The following KCNQ1 variants were observed in gnomAD, a reference collection of about 807,000 sequenced individuals.
The protein encoded by KCNQ1 is potassium voltage-gated channel subfamily Q member 1.
Under a neutral mutation model 72.4 loss-of-function variants are expected in KCNQ1, and 49 were observed. The ratio of observed to expected loss-of-function variants is 0.68; its 90% CI spans 0.54 to 0.86. The LOEUF is 0.86. KCNQ1 is among the 40% of genes least tolerant of loss of function. The pLI is 0.00. For synonymous variants in KCNQ1, 450 were observed against 412.6 expected, an observed-to-expected ratio of 1.09 and a Z score of -1.10; for missense variants, 790 against 945.1, an observed-to-expected ratio of 0.84 and a Z score of 2.15.
In KCNQ1 at chr11:2,452,574, G is replaced by A. The variant is rs1299579524; in HGVS notation, c.386+7090G>A. 6.6e-5 allele frequency among the ~76,000 whole-genome samples: 10 copies of A among 152,294 alleles called. No homozygotes were observed. The South Asian group carries it at 8.3e-4, about 13-fold the overall frequency. ...CCTCTGGCTATATCTAAGCAGCCCC[G>A]GGAACCATGCGCTTCAAGCGTTTGA... On this transcript the variant is annotated intron_variant, in intron 1 of 15. Coordinates refer to ENST00000155840, the MANE Select transcript of KCNQ1 (RefSeq NM_000218.3).
chr11:2,699,496 CCGCGCTGAGGAGCCCCCAGGAGAG>C (rs1850738603), intron 11 of KCNQ1: 1 of 180,142 alleles, frequency 5.6e-6, no homozygotes, highest in African/African-American at 4.4e-5. Flanking sequence ...GGGGAGAGTG[CCGCGCTGAGGAGCCCCCAGGAGAG>C]TGCCGCGCTG....
rs186292293 is a variant in KCNQ1, at chr11:2,522,278, G to A, written c.387-5650G>A. ...CAGGGGACCACATGAGCTGGGGGGGGGTCGGTGTCTTCTCTCCCCCACCCC... is the reference window on the plus strand; with the variant it reads ...CAGGGGACCACATGAGCTGGGGGGGAGTCGGTGTCTTCTCTCCCCCACCCC... On this transcript the variant is annotated intron_variant, in intron 1 of 15. Coordinates refer to ENST00000155840, the MANE Select transcript of KCNQ1 (RefSeq NM_000218.3). 6.1e-3 allele frequency among the ~76,000 whole-genome samples: 926 copies of A among 152,244 alleles called. 11 individuals carry two copies. Among genetic ancestry groups the A allele is most frequent in the East Asian group, 0.058 (298 of 5,148 alleles).
At chr11:2,606,491 C>T (rs1848882258) in intron 10 of KCNQ1, among the ~76,000 whole-genome samples, 1 of 152,176 alleles carries the variant, frequency 6.6e-6, no homozygotes, top group Non-Finnish European at 1.5e-5. Context: ...GAATCTGCTA[C>T]CTCCCTCCAC....
chr11:2,805,535 A>G (rs577090128), intron 15 of KCNQ1, among the ~76,000 whole-genome samples: 3 of 152,360 alleles, frequency 2.0e-5, no homozygotes, highest in African/African-American at 4.8e-5. Flanking sequence ...TTTTGTAAAT[A>G]AAGTTTTAAT....
At chr11:2,751,413 G>GT (rs1295193294) in intron 11 of KCNQ1, among the ~76,000 whole-genome samples, 1 of 152,250 alleles carries the variant, frequency 6.6e-6, no homozygotes, top group Non-Finnish European at 1.5e-5. Context: ...GGGAGGCAAG[G>GT]CTGAGCAGCT....
At chr11:2,685,864 C>T in intron 11 of KCNQ1, 1 of 398,776 alleles carries the variant, frequency 2.5e-6, no homozygotes, top group Non-Finnish European at 4.4e-6. Context: ...TCACCCAGGA[C>T]TCAGACCACA....
intron 10 of KCNQ1, chr11:2,629,352 A>G (rs571487311): frequency 2.5e-6 from 1 of 398,202 alleles, no homozygotes; most frequent in South Asian, 1.3e-4. Context: ...CAATTTCTCT[A>G]TTTTTTATTT....
chr11:2,557,028 G>T (rs755686199), intron 2 of KCNQ1, among the ~76,000 whole-genome samples: 3 of 152,240 alleles, frequency 2.0e-5, no homozygotes, highest in Non-Finnish European at 4.4e-5. Flanking sequence ...AGGCCGTGCC[G>T]TAGCTCTGGG....
At position 2,652,015 on chromosome 11, in the gene KCNQ1, T is replaced by C. The variant is rs1398124065; in HGVS notation, c.1394-9946T>C. 2 of 398,690 alleles carry C rather than the reference T, an allele frequency of 5.0e-6. No homozygotes were observed. Among genetic ancestry groups the C allele is most frequent in the Admixed American group, 4.4e-5 (1 of 22,742 alleles). 24.7% of individuals were successfully genotyped at this position (398,690 alleles called of 1,614,324 possible). ...TCAGTTGTTAACATAATTTTGATGTTGAGCCTCCCCCCAGTTCTGGGGTGG... is the reference window on the plus strand; with the variant it reads ...TCAGTTGTTAACATAATTTTGATGTCGAGCCTCCCCCCAGTTCTGGGGTGG... On this transcript the variant is annotated intron_variant, in intron 10 of 15. Transcript: ENST00000155840. The surrounding 1 kb of genome is among the most constrained non-coding windows in gnomAD (Gnocchi z 5.9).
rs1356702328 is a variant in KCNQ1 at position 2,720,493 on chromosome 11, CCT to C, written c.1515-48344_1515-48343del. The stretch of plus-strand genomic sequence containing the variant: ...GGCAGCCCCCTCGAAGCTCACCTGG[CCT>C]CTCTCTGTAAGGGGAGAGGGACCCA... On this transcript the variant is annotated intron_variant, in intron 11 of 15. Transcript: ENST00000155840. The surrounding 1 kb of genome is among the most constrained non-coding windows in gnomAD (Gnocchi z 5.1). 6.6e-6 allele frequency among the ~76,000 whole-genome samples: 1 copy of C among 152,136 alleles called. No individual in the cohort carries two copies. The highest frequency in any genetic ancestry group is 2.4e-5 in the African/African-American group (1 of 41,424).
chr11:2,812,503 G>A (rs1847510261), intron 15 of KCNQ1, among the ~76,000 whole-genome samples: 1 of 152,208 alleles, frequency 6.6e-6, no homozygotes, highest in Non-Finnish European at 1.5e-5. Context: ...CTCTGCCGGG[G>A]CCGGAAGGGC....
intron 10 of KCNQ1, chr11:2,646,468 C>T (rs866656763): frequency 1.0e-5 from 4 of 398,394 alleles, no homozygotes; most frequent in African/African-American, 2.1e-5. Context: ...AATGGGATTG[C>T]TTTCTTCATT....
intron 2 of KCNQ1, among the ~76,000 whole-genome samples, chr11:2,530,303 C>T (rs1259083028): frequency 6.6e-6 from 1 of 152,250 alleles, no homozygotes; most frequent in Non-Finnish European, 1.5e-5. Flanking sequence ...GGAGGATGTT[C>T]TGCCCCGGCC....
rs79828403 is a variant in KCNQ1, at chr11:2,690,432, G to C, written c.1514+28351G>C. On this transcript the variant is annotated intron_variant, in intron 11 of 15. Coordinates refer to ENST00000155840, the MANE Select transcript of KCNQ1 (RefSeq NM_000218.3). The surrounding 1 kb of genome is among the most constrained non-coding windows in gnomAD (Gnocchi z 5.1). ...CCTGCGAAAGGCTGGGGTCCTGGGA[G>C]CTAGAGCTGGGTTAAGATAAGAGCA... is the stretch of plus-strand genomic sequence containing the variant. The C allele has an allele frequency of 7.7e-3, 3,085 of 398,630 alleles. 69 individuals are homozygous for C. Among genetic ancestry groups the C allele is most frequent in the African/African-American group, 0.057 (2,792 of 48,728 alleles). The allele number at this position is 398,630 out of a possible 1,614,324, so 24.7% of individuals were successfully genotyped here. A position where few individuals can be genotyped will look rare whatever the true frequency, so the allele number is the denominator to read the frequency against.
Position 2,487,630 on chromosome 11 carries a change from T to G in KCNQ1, c.387-40298T>G, listed in dbSNP as rs150120223. Among the ~76,000 whole-genome samples the G allele has an allele frequency of 3.8e-3, 584 of 152,286 alleles. 3 individuals are homozygous for G. The highest frequency in any genetic ancestry group is 0.013 in the African/African-American group (527 of 41,582). On this transcript the variant is annotated intron_variant, in intron 1 of 15. Coordinates refer to ENST00000155840, the MANE Select transcript of KCNQ1 (RefSeq NM_000218.3). ...CTAAGTATTCTACTTGATGCTATTA[T>G]AAATTAAATTGTTTTCTTAATTTCA...
Position 2,559,187 on chromosome 11 carries a change from T to C in KCNQ1, c.478-11441T>C, listed in dbSNP as rs1014872198. Among the ~76,000 whole-genome samples, 1 of 151,976 alleles carries C rather than the reference T, an allele frequency of 6.6e-6. No homozygotes were observed. Among genetic ancestry groups the C allele is most frequent in the Non-Finnish European group, 1.5e-5 (1 of 67,964 alleles). On this transcript the variant is annotated intron_variant, in intron 2 of 15. Transcript: ENST00000155840. The surrounding 1 kb of genome is among the most constrained non-coding windows in gnomAD (Gnocchi z 4.9). ...GCACTTTCGTTGCTCTCTGAAAGCCTACCAGGCAGTCTTCCCAGAGGTGCT... is the reference window on the plus strand; with the variant it reads ...GCACTTTCGTTGCTCTCTGAAAGCCCACCAGGCAGTCTTCCCAGAGGTGCT...
chr11:2,593,431 G>A lies in KCNQ1; in HGVS notation c.1393+4577G>A, dbSNP rs559627598. Among the ~76,000 whole-genome samples the A allele has an allele frequency of 6.6e-6, 1 of 152,302 alleles. No homozygotes were observed. Among genetic ancestry groups the A allele is most frequent in the African/African-American group, 2.4e-5 (1 of 41,568 alleles). ...GGGCTGTAAGGTCGTGGTCTGTGACGTAGGATCGGGCAGCACGCACCTTTC... is the reference window on the plus strand; with the variant it reads ...GGGCTGTAAGGTCGTGGTCTGTGACATAGGATCGGGCAGCACGCACCTTTC... On this transcript the variant is annotated intron_variant, in intron 10 of 15. Coordinates refer to ENST00000155840, the MANE Select transcript of KCNQ1 (RefSeq NM_000218.3). This position sits in a 1 kb window ranked among gnomAD's most constrained non-coding sequence, Gnocchi z 6.9.
intron 2 of KCNQ1, among the ~76,000 whole-genome samples, chr11:2,546,385 T>C (rs1355870153): frequency 6.6e-6 from 1 of 152,230 alleles, no homozygotes; most frequent in African/African-American, 2.4e-5. Flanking sequence ...TACTCCATTG[T>C]GTGCTTGGAA....
chr11:2,678,508 T>A lies in KCNQ1; in HGVS notation c.1514+16427T>A. 1 of 398,610 alleles carries A rather than the reference T, an allele frequency of 2.5e-6. No individual in the cohort carries two copies. Among genetic ancestry groups the A allele is most frequent in the East Asian group, 3.6e-5 (1 of 28,086 alleles). The allele number at this position is 398,610 out of a possible 1,614,324, so 24.7% of individuals were successfully genotyped here. Reference sequence around the variant, plus strand: ...ATTTAATTTGTGTCCATTTCTAGACTCTATTCTGGACTGCTGATGGGCCTG... The same window carrying A: ...ATTTAATTTGTGTCCATTTCTAGACACTATTCTGGACTGCTGATGGGCCTG... On this transcript the variant is annotated intron_variant, in intron 11 of 15. Transcript: ENST00000155840. This position sits in a 1 kb window ranked among gnomAD's most constrained non-coding sequence, Gnocchi z 4.9.
Sources: gnomAD v4.1 joint callset for allele counts (sites outside exome capture counted in the v4.1 genomes callset) on GRCh38, gnomAD v4.1.1 for gene constraint, Gnocchi (gnomAD v3.1) non-coding constraint, MANE v1.5 for transcripts, NCBI Gene and HGNC (gene_info 2026-07-23, HGNC 2026-07-21) for gene names.